ADAMTS12: variants seen among roughly 807,000 people sequenced by gnomAD.
ADAMTS12 encodes the protein A disintegrin and metalloproteinase with thrombospondin motifs 12.
In ADAMTS12, 118 loss-of-function variants were observed where a neutral mutation model predicts 167.8. That is an observed-to-expected ratio of 0.70 (90% CI 0.61 to 0.82). ADAMTS12 has a LOEUF of 0.82. Ranked by LOEUF, ADAMTS12 falls within the 40% of genes least tolerant of loss-of-function variation. ADAMTS12 has a pLI of 0.00. For synonymous variants in ADAMTS12, 704 were observed against 716.9 expected, an observed-to-expected ratio of 0.98 and a Z score of 0.29; for missense variants, 1,916 against 1,998.8, an observed-to-expected ratio of 0.96 and a Z score of 0.79.
intron 2 of ADAMTS12, among the ~76,000 whole-genome samples, chr5:33,759,063 T>G (rs894045601): frequency 6.6e-6 from 1 of 152,204 alleles, no homozygotes; most frequent in Non-Finnish European, 1.5e-5. Context: ...TCAATTTCTC[T>G]TTTTTCCTTT....
chr5:33,558,136 A>T (rs894222454), intron 20 of ADAMTS12, among the ~76,000 whole-genome samples: 1 of 152,174 alleles, frequency 6.6e-6, no homozygotes, highest in African/African-American at 2.4e-5. Flanking sequence ...AATGTGCTTG[A>T]ATCATCCCAA....
chr5:33,574,209 A>G (rs1256185884), intron 19 of ADAMTS12, among the ~76,000 whole-genome samples: 1 of 151,960 alleles, frequency 6.6e-6, no homozygotes, highest in Non-Finnish European at 1.5e-5. Context: ...GGGATCTAGA[A>G]CTAGAAATAC....
intron 22 of ADAMTS12, among the ~76,000 whole-genome samples, chr5:33,543,365 T>A (rs1744802982): frequency 6.6e-6 from 1 of 152,102 alleles, no homozygotes; most frequent in Non-Finnish European, 1.5e-5. Context: ...ATTGAGGCAA[T>A]AATTAACAGC....
intron 13 of ADAMTS12, among the ~76,000 whole-genome samples, chr5:33,628,447 T>G (rs35736709): frequency 0.12 from 18,245 of 152,206 alleles, 1,393 homozygotes; most frequent in Middle Eastern, 0.22. Context: ...AGGGCACAGA[T>G]AGTTACCTCC....
chr5:33,564,292 T>C (rs957339311), intron 19 of ADAMTS12, among the ~76,000 whole-genome samples: 1 of 152,184 alleles, frequency 6.6e-6, no homozygotes, highest in Non-Finnish European at 1.5e-5. Context: ...GGAACCAGCA[T>C]GAATAGAGAC....
At chr5:33,680,484 T>C (rs538330881) in intron 5 of ADAMTS12, among the ~76,000 whole-genome samples, 1 of 146,802 alleles carries the variant, frequency 6.8e-6, no homozygotes, top group East Asian at 2.0e-4. Context: ...GATTTTTCCT[T>C]CTTATTCCCA....
chr5:33,775,714 A>G (rs1424116853), intron 2 of ADAMTS12, among the ~76,000 whole-genome samples: 1 of 152,182 alleles, frequency 6.6e-6, no homozygotes, highest in Admixed American at 6.5e-5. Flanking sequence ...CATGACCCAC[A>G]TCACCCTTCC....
chr5:33,737,831 C>T (rs554586932), intron 3 of ADAMTS12, among the ~76,000 whole-genome samples: 1 of 152,300 alleles, frequency 6.6e-6, no homozygotes, highest in Middle Eastern at 3.4e-3. Context: ...TGTGGAATTT[C>T]GAATTGCAGT....
At chr5:33,810,022 T>C (rs1279380105) in intron 2 of ADAMTS12, among the ~76,000 whole-genome samples, 1 of 130,176 alleles carries the variant, frequency 7.7e-6, no homozygotes, top group Non-Finnish European at 1.6e-5. Context: ...GCACTGAAAA[T>C]ATGATCCACT....
chr5:33,858,543 A>C (rs1184538363), intron 2 of ADAMTS12, among the ~76,000 whole-genome samples: 3 of 152,084 alleles, frequency 2.0e-5, no homozygotes, highest in Non-Finnish European at 1.5e-5. Flanking sequence ...CAGTAGTCGC[A>C]GCAACTTGGA....
intron 15 of ADAMTS12, 91 bp from the exon 16 acceptor site, chr5:33,614,467 A>G: frequency 6.7e-7 from 1 of 1,492,534 alleles, no homozygotes. Context: ...CAGTCATCTA[A>G]AATTAGTAAT....
At chr5:33,736,207 C>A (rs772646394) in intron 3 of ADAMTS12, among the ~76,000 whole-genome samples, 1 of 151,882 alleles carries the variant, frequency 6.6e-6, no homozygotes, top group Non-Finnish European at 1.5e-5. Context: ...GGAACACATG[C>A]GTATACCACC....
rs182770154 is a variant in ADAMTS12 at position 33,865,465 on chromosome 5, C to A, written c.489+15654G>T. 2.6e-4 allele frequency among the ~76,000 whole-genome samples: 39 copies of A among 152,096 alleles called. 1 individual carries two copies. The highest frequency in any genetic ancestry group is 2.3e-3 in the East Asian group (12 of 5,182). ...ACAAACGAGGCATAGAATGGACATA[C>A]CTCAAAATAATAAAAGCCATATATG... is the stretch of plus-strand genomic sequence containing the variant. On this transcript the variant is annotated intron_variant, in intron 2 of 23. Transcript: ENST00000504830.
At position 33,656,767 on chromosome 5, in the gene ADAMTS12, T is replaced by C. The variant is rs568324736; in HGVS notation, c.1190+1417A>G. Among the ~76,000 whole-genome samples, 16 of 152,300 alleles carry C rather than the reference T, an allele frequency of 1.1e-4. No individual in the cohort carries two copies. In the South Asian group the frequency reaches 3.3e-3, roughly 32 times the overall value. On this transcript the variant is annotated intron_variant, in intron 7 of 23. Coordinates refer to ENST00000504830, the MANE Select transcript of ADAMTS12 (RefSeq NM_030955.4). ...GCCATGTCCTTCCACATTTCAGAAC[T>C]GGGGACTCCTGTCTGTTTGTGCATA... is the stretch of plus-strand genomic sequence containing the variant.
At chr5:33,796,546 A>C (rs1353404628) in intron 2 of ADAMTS12, among the ~76,000 whole-genome samples, 1 of 152,224 alleles carries the variant, frequency 6.6e-6, no homozygotes, top group East Asian at 1.9e-4. Flanking sequence ...TCTTATAGGC[A>C]GATGGAGAGC....
rs760327428 is a variant in ADAMTS12 at position 33,684,019 on chromosome 5, C to T, written c.671G>A (p.Arg224Gln). ...CAAGTTGTGCCTCTCCCACTTCTCC[C>T]GCCATAGCTCTTGCTTCTGGGAGAT... ...VNISQKQELWREKWERHNLPS... is the reference protein window; with the variant it reads ...VNISQKQELWQEKWERHNLPS... Residue 224 changes from arginine to glutamine, a missense_variant, in exon 4 of 24, where the codon CGG becomes CAG. Transcript: ENST00000504830. 61 of 1,605,870 alleles carry T rather than the reference C, an allele frequency of 3.8e-5. 1 individual carries two copies. The South Asian group carries it at 5.0e-4, about 13-fold the overall frequency.
chr5:33,704,712 G>C (rs889332881), intron 3 of ADAMTS12, among the ~76,000 whole-genome samples: 1 of 152,152 alleles, frequency 6.6e-6, no homozygotes, highest in Non-Finnish European at 1.5e-5. Flanking sequence ...CTATTGAGTT[G>C]TAGGGATACA....
chr5:33,630,884 T>A lies in ADAMTS12; in HGVS notation c.1918A>T (p.Ile640Leu), dbSNP rs889053112. The change falls in exon 13 of 24, where the codon ATA (isoleucine) becomes TTA (leucine). Residue 640 changes from isoleucine to leucine, a missense_variant. Transcript: ENST00000504830. The stretch of plus-strand genomic sequence containing the variant: ...ATTTTCTCAGAAAACTGGCCATCTA[T>A]GGGTCGGCAGTAGAGCTCACAAGGA... ...AHPCELYCRP[I>L]DGQFSEKMLD... 1 of 1,613,512 alleles carries A rather than the reference T, an allele frequency of 6.2e-7. No individual in the cohort carries two copies. The highest frequency in any genetic ancestry group is 1.7e-5 in the Admixed American group (1 of 59,970).
chr5:33,599,798 A>C (rs1738097460), intron 16 of ADAMTS12, among the ~76,000 whole-genome samples: 1 of 152,204 alleles, frequency 6.6e-6, no homozygotes, highest in Non-Finnish European at 1.5e-5. Context: ...TTGCTGAAAT[A>C]AAATCTTTCT....
Sources: allele counts gnomAD v4.1 joint callset (sites outside exome capture counted in the v4.1 genomes callset), GRCh38; gene constraint gnomAD v4.1.1; transcripts MANE v1.5; gene names NCBI Gene and HGNC (gene_info 2026-07-23, HGNC 2026-07-21).